NR2F2: variants seen among roughly 807,000 people sequenced by gnomAD.
NR2F2 encodes COUP transcription factor 2.
In NR2F2, 2 loss-of-function variants were observed where a neutral mutation model predicts 34.8. The observed-to-expected ratio is 0.06, with a 90% confidence interval of 0.02 to 0.18. The LOEUF is 0.18. NR2F2 is among the 10% of genes least tolerant of loss of function. The pLI is 1.00. For synonymous variants in NR2F2, 274 were observed against 251.8 expected (o/e 1.09, Z -0.84); for missense variants, 300 against 580.1 (o/e 0.52, Z 4.96).
At chr15:96,336,589 C>A (rs1028994017) in intron 2 of NR2F2, among the ~76,000 whole-genome samples, 5 of 149,690 alleles carry the variant, frequency 3.3e-5, no homozygotes, top group Non-Finnish European at 7.4e-5. Flanking sequence ...TGTATTTTCA[C>A]GTATCAAAAA....
upstream of NR2F2, among the ~76,000 whole-genome samples, chr15:96,330,464 CGT>C (rs1899100325): frequency 7.0e-6 from 1 of 142,858 alleles, no homozygotes; most frequent in Non-Finnish European, 1.5e-5. Context: ...CGGTCCCCCG[CGT>C]GCCCCGCGCC....
In NR2F2 at chr15:96,330,968, T is replaced by C; in HGVS notation, c.-1138T>C. 20 of 1,186,598 alleles carry C rather than the reference T, an allele frequency of 1.7e-5. No individual in the cohort carries two copies. Among genetic ancestry groups the C allele is most frequent in the Non-Finnish European group, 2.1e-5 (20 of 957,894 alleles). The allele number at this position is 1,186,598 out of a possible 1,614,324, so 73.5% of individuals were successfully genotyped here. ...GCACGAAGGATGTGCTTCTAGGTGG[T>C]GATCTGCCCTCCTCTCTCTCTTTTA... On this transcript the variant is annotated 5_prime_UTR_variant, in exon 1 of 3. Transcript: ENST00000394166.
At chr15:96,334,688 C>T (rs1899267565) in intron 2 of NR2F2, 85 bp downstream of exon 2, 1 of 1,446,772 alleles carries the variant, frequency 6.9e-7, no homozygotes, top group African/African-American at 1.4e-5. Context: ...CCAGGGCAAA[C>T]CCAGTCTGCT....
upstream of NR2F2, among the ~76,000 whole-genome samples, chr15:96,330,063 A>G (rs1465691240): frequency 6.6e-6 from 1 of 152,154 alleles, no homozygotes; most frequent in Non-Finnish European, 1.5e-5. Flanking sequence ...GATCTGGCCA[A>G]CTCTTTCGTT....
At position 96,330,830 on chromosome 15, in the gene NR2F2, G is replaced by T; in HGVS notation, c.-1276G>T. On this transcript the variant is annotated 5_prime_UTR_variant, in exon 1 of 3. Transcript: ENST00000394166. ...GGTGTGTGTGTGCGTGCGCGCGTGT[G>T]TGTTTTCTTCTTCTCCTCCTCCTCT... 1 of 1,149,540 alleles carries T rather than the reference G, an allele frequency of 8.7e-7. No homozygotes were observed. Among genetic ancestry groups the T allele is most frequent in the Non-Finnish European group, 1.1e-6 (1 of 933,890 alleles). The allele number at this position is 1,149,540 out of a possible 1,614,324, so 71.2% of individuals were successfully genotyped here. A position where few individuals can be genotyped will look rare whatever the true frequency, so the allele number is the denominator to read the frequency against.
Position 96,331,918 on chromosome 15 carries a change from A to G in NR2F2, c.-188A>G, listed in dbSNP as rs1899156996. The G allele has an allele frequency of 9.1e-6, 11 of 1,207,218 alleles. No homozygotes were observed. The highest frequency in any genetic ancestry group is 6.3e-5 in the African/African-American group (4 of 63,350). 74.8% of individuals were successfully genotyped at this position (1,207,218 alleles called of 1,614,324 possible). A position where few individuals can be genotyped will look rare whatever the true frequency, so the allele number is the denominator to read the frequency against. ...GACAAAACTTTGCAAAAGCAAAAAC[A>G]AAAAAGGAAAAACTAACCAACCTCA... On this transcript the variant is annotated 5_prime_UTR_variant, in exon 1 of 3. Transcript: ENST00000394166.
chr15:96,334,688 C>A, intron 2 of NR2F2, 85 bp downstream of exon 2: 1 of 1,446,890 alleles, frequency 6.9e-7, no homozygotes, highest in Non-Finnish European at 9.3e-7. Context: ...CCAGGGCAAA[C>A]CCAGTCTGCT....
rs1207274374 is a variant in NR2F2 at position 96,334,615 on chromosome 15, C to T, written c.970+12C>T. ...CCTGTTCACCTCAGGTAGGAAGGAG[C>T]CCTGTCTTCTCGTGCCCACGGGCTC... On this transcript the variant is annotated intron_variant, in intron 2 of 2. Transcript: ENST00000394166. The T allele has an allele frequency of 5.7e-6, 9 of 1,576,412 alleles. No individual in the cohort carries two copies. The Admixed American group carries it at 1.2e-4, about 22-fold the overall frequency.
At position 96,333,780 on chromosome 15, in the gene NR2F2, G is replaced by C. The variant is rs537777226; in HGVS notation, c.443-296G>C. 6.5e-3 allele frequency: 8,947 copies of C among 1,378,164 alleles called. 37 individuals are homozygous for C. Among genetic ancestry groups the C allele is most frequent in the Non-Finnish European group, 7.0e-3 (7,460 of 1,069,290 alleles). 85.4% of individuals were successfully genotyped at this position (1,378,164 alleles called of 1,614,324 possible). ...AGATGCCCTCAGAATGCTACATCCC[G>C]CCCACAGCGCCGGGGACCCCGAGGC... On this transcript the variant is annotated intron_variant, in intron 1 of 2. Coordinates refer to ENST00000394166, the MANE Select transcript of NR2F2 (RefSeq NM_021005.4).
chr15:96,334,208 C>G lies in NR2F2; in HGVS notation c.575C>G (p.Pro192Arg), dbSNP rs1302811943. The change falls in exon 2 of 3, where the codon CCC (proline) becomes CGC (arginine). Residue 192 changes from proline to arginine, a missense_variant. Physicochemically the swap from Pro to Arg is moderately radical, Grantham distance 103. Transcript: ENST00000394166. Reference sequence around the variant, plus strand: ...CTGCTGTTGCGCGCGGAGCCCTATCCCACGTCGCGCTTCGGCAGCCAATGC... The same window carrying G: ...CTGCTGTTGCGCGCGGAGCCCTATCGCACGTCGCGCTTCGGCAGCCAATGC... ...ISLLLRAEPYPTSRFGSQCMQ... is the reference protein window; with the variant it reads ...ISLLLRAEPYRTSRFGSQCMQ... The G allele has an allele frequency of 6.2e-7, 1 of 1,614,218 alleles. No homozygotes were observed. The highest frequency in any genetic ancestry group is 1.7e-5 in the Admixed American group (1 of 60,038).
chr15:96,332,123 C>A lies in NR2F2; in HGVS notation c.18C>A (p.Ser6Arg). 1 of 1,356,288 alleles carries A rather than the reference C, an allele frequency of 7.4e-7. No homozygotes were observed. Among genetic ancestry groups the A allele is most frequent in the Non-Finnish European group, 9.5e-7 (1 of 1,054,138 alleles). 84.0% of individuals were successfully genotyped at this position (1,356,288 alleles called of 1,614,324 possible). A position where few individuals can be genotyped will look rare whatever the true frequency, so the allele number is the denominator to read the frequency against. Reference protein sequence around the residue: MAMVVSTWRDPQDEVP... With the variant: MAMVVRTWRDPQDEVP... Reference sequence around the variant, plus strand: ...CCATAGATATGGCAATGGTAGTCAGCACGTGGCGCGACCCCCAGGACGAGG... The same window carrying A: ...CCATAGATATGGCAATGGTAGTCAGAACGTGGCGCGACCCCCAGGACGAGG... Residue 6 changes from serine (S) to arginine (R), a missense_variant, in exon 1 of 3, where the codon AGC becomes AGA. This residue lies in a region of NR2F2 where 105 missense variants were observed against 107.8 expected (regional missense o/e 0.97). Coordinates refer to ENST00000394166, the MANE Select transcript of NR2F2 (RefSeq NM_021005.4).
At chr15:96,333,508 C>T (rs1019945589) in intron 1 of NR2F2, 3 of 1,002,444 alleles carry the variant, frequency 3.0e-6, no homozygotes, top group South Asian at 9.3e-5. Context: ...TCTCTTTCTC[C>T]GAGCACACTG....
At chr15:96,326,151 C>A (rs1898976189), upstream of NR2F2, 3 of 659,054 alleles carry the variant, frequency 4.6e-6, no homozygotes, top group South Asian at 1.9e-5. This position sits in a 1 kb window ranked among gnomAD's most constrained non-coding sequence, Gnocchi z 5.5. Context: ...TTTTTCCCTG[C>A]AGGCTAGTGC....
Position 96,330,984 on chromosome 15 carries a change from C to G in NR2F2, c.-1122C>G. 2 of 1,208,764 alleles carry G rather than the reference C, an allele frequency of 1.7e-6. No homozygotes were observed. The highest frequency in any genetic ancestry group is 4.1e-5 in the South Asian group (1 of 24,106). 74.9% of individuals were successfully genotyped at this position (1,208,764 alleles called of 1,614,324 possible). A position where few individuals can be genotyped will look rare whatever the true frequency, so the allele number is the denominator to read the frequency against. On this transcript the variant is annotated 5_prime_UTR_variant, in exon 1 of 3. Coordinates refer to ENST00000394166, the MANE Select transcript of NR2F2 (RefSeq NM_021005.4). ...TCTAGGTGGTGATCTGCCCTCCTCT[C>G]TCTCTTTTATCATTTCTCCCCCGCC...
rs778063675 is a variant in NR2F2 at position 96,332,216 on chromosome 15, G to C, written c.111G>C (p.Pro37=). The change falls in exon 1 of 3, where the codon CCG becomes CCC. Residue 37 remains proline (P), a synonymous_variant. Coordinates refer to ENST00000394166, the MANE Select transcript of NR2F2 (RefSeq NM_021005.4). ...PPVPGPPPGA[P]HTPQTPGQGG... ...TGCCCGGCCCGCCGCCCGGCGCCCC[G>C]CACACGCCACAGACGCCCGGCCAAG... The C allele has an allele frequency of 2.1e-6, 3 of 1,444,408 alleles. No homozygotes were observed. Among genetic ancestry groups the C allele is most frequent in the Non-Finnish European group, 1.8e-6 (2 of 1,097,494 alleles). 89.5% of individuals were successfully genotyped at this position (1,444,408 alleles called of 1,614,324 possible).
chr15:96,326,502 G>A (rs1898990653), upstream of NR2F2: 35 of 657,702 alleles, frequency 5.3e-5, no homozygotes, highest in East Asian at 9.2e-4. The surrounding 1 kb of genome is among the most constrained non-coding windows in gnomAD (Gnocchi z 5.5). Flanking sequence ...AAGGGGTTCG[G>A]GGAAGGGGGG....
chr15:96,339,525 T>C lies in NR2F2; in HGVS notation c.*1903T>C, dbSNP rs904074807. On this transcript the variant is annotated 3_prime_UTR_variant, in exon 3 of 3. Transcript: ENST00000394166. ...AAGGGAATCTTTTCCATTGGAGTTA[T>C]GTACATAAAAACACATCGACATTTT... 3.3e-5 allele frequency: 5 copies of C among 152,168 alleles called. No homozygotes were observed. Among genetic ancestry groups the C allele is most frequent in the African/African-American group, 9.7e-5 (4 of 41,438 alleles). The allele number at this position is 152,168 out of a possible 1,614,324, so 9.4% of individuals were successfully genotyped here.
At chr15:96,326,358 T>TTTAC, upstream of NR2F2, 1 of 1,611,622 alleles carries the variant, frequency 6.2e-7, no homozygotes, top group Non-Finnish European at 8.5e-7. This position sits in a 1 kb window ranked among gnomAD's most constrained non-coding sequence, Gnocchi z 5.5. Context: ...TTTTGGTATG[T>TTTAC]TTACTTACAG....
At position 96,331,568 on chromosome 15, in the gene NR2F2, C is replaced by T; in HGVS notation, c.-538C>T. The T allele has an allele frequency of 1.6e-6, 2 of 1,222,290 alleles. No individual in the cohort carries two copies. Among genetic ancestry groups the T allele is most frequent in the Non-Finnish European group, 1.0e-6 (1 of 984,172 alleles). The allele number at this position is 1,222,290 out of a possible 1,614,324, so 75.7% of individuals were successfully genotyped here. A position where few individuals can be genotyped will look rare whatever the true frequency, so the allele number is the denominator to read the frequency against. ...CCTCTACCTCCTCCTTCACCACCAC[C>T]TCCTCTTCCTCCTCCTCCTCCTCCT... On this transcript the variant is annotated 5_prime_UTR_variant, in exon 1 of 3. Transcript: ENST00000394166.
Sources: allele counts gnomAD v4.1 joint callset (sites outside exome capture counted in the v4.1 genomes callset), GRCh38; gene constraint gnomAD v4.1.1; regional missense constraint gnomAD v4.1.1; non-coding constraint Gnocchi (gnomAD v3.1); transcripts MANE v1.5; gene names NCBI Gene and HGNC (gene_info 2026-07-23, HGNC 2026-07-21).